The following EPB41L5 variants were observed in gnomAD, a reference collection of about 807,000 sequenced individuals.
The protein encoded by EPB41L5 is band 4.1-like protein 5.
In EPB41L5, 55 loss-of-function variants were observed where a neutral mutation model predicts 106.6. The ratio of observed to expected loss-of-function variants is 0.52; its 90% CI spans 0.42 to 0.65. The LOEUF (loss-of-function observed/expected upper bound fraction) is 0.65. Among genes scored for constraint, EPB41L5 ranks in the 30% least tolerant of loss-of-function variants. EPB41L5 has a pLI of 0.00. For missense variants in EPB41L5, 871 were observed against 882.1 expected, an observed-to-expected ratio of 0.99 and a Z score of 0.16; for synonymous variants, 297 against 306.7, an observed-to-expected ratio of 0.97 and a Z score of 0.33.
intron 3 of EPB41L5, among the ~76,000 whole-genome samples, chr2:120,047,431 C>T (rs75659512): frequency 0.7 from 105,084 of 151,104 alleles, 37,932 homozygotes; most frequent in Non-Finnish European, 0.79. Flanking sequence ...CAATTGTGAA[C>T]GGGAGTTCAC....
intron 18 of EPB41L5, among the ~76,000 whole-genome samples, chr2:120,135,007 G>C (rs1464911375): frequency 6.6e-6 from 1 of 152,054 alleles, no homozygotes; most frequent in Admixed American, 6.6e-5. Context: ...TGACCTTTCA[G>C]GCAGATAATT....
Position 120,177,592 on chromosome 2 carries a change from T to A in EPB41L5, c.*2685T>A, listed in dbSNP as rs1687965048. ...TGTAAATTAATCAGTGAGACCTAAT[T>A]TGTGACATGTCAGTAGCATCATCTT... is the stretch of plus-strand genomic sequence containing the variant. On this transcript the variant is annotated 3_prime_UTR_variant, in exon 25 of 25. Coordinates refer to ENST00000263713, the MANE Select transcript of EPB41L5 (RefSeq NM_020909.4). 6.6e-6 allele frequency: 1 copy of A among 152,188 alleles called. No homozygotes were observed. Among genetic ancestry groups the A allele is most frequent in the Non-Finnish European group, 1.5e-5 (1 of 68,030 alleles). 9.4% of individuals were successfully genotyped at this position (152,188 alleles called of 1,614,324 possible).
intron 18 of EPB41L5, among the ~76,000 whole-genome samples, chr2:120,136,921 A>G (rs909073596): frequency 2.0e-5 from 3 of 152,200 alleles, no homozygotes; most frequent in African/African-American, 7.2e-5. Flanking sequence ...GCAGCAGAAC[A>G]TACATTCTTG....
chr2:120,134,252 G>A (rs994969798), intron 18 of EPB41L5, among the ~76,000 whole-genome samples: 1 of 151,928 alleles, frequency 6.6e-6, no homozygotes, highest in African/African-American at 2.4e-5. Flanking sequence ...TGCAACTTGG[G>A]TAACAGCTCA....
rs754109566 is a variant in EPB41L5, at chr2:120,019,090, G to A, written c.6G>A (p.Leu2=). 3.1e-6 allele frequency: 5 copies of A among 1,595,848 alleles called. No individual in the cohort carries two copies. Among genetic ancestry groups the A allele is most frequent in the Non-Finnish European group, 3.4e-6 (4 of 1,174,748 alleles). M[L]SFFRRTLGRR... ...CTGTTTTTATAGTGACAAAAATGCT[G>A]AGTTTCTTCCGTAGAACACTAGGGC... is the stretch of plus-strand genomic sequence containing the variant. Residue 2 remains leucine (L), a synonymous_variant, in exon 2 of 25, where the codon CTG becomes CTA. Transcript: ENST00000263713.
rs185190903 is a variant in EPB41L5, at chr2:120,036,730, T to C, written c.181-5276T>C. Among the ~76,000 whole-genome samples, 9 of 152,180 alleles carry C rather than the reference T, an allele frequency of 5.9e-5. No homozygotes were observed. In the East Asian group the frequency reaches 1.5e-3, roughly 26 times the overall value. On this transcript the variant is annotated intron_variant, in intron 2 of 24. Transcript: ENST00000263713. ...AAAGGAAAATACTAGGTATAAGAAGTATAATCTATAGAACACATTTGATGG... is the reference window on the plus strand; with the variant it reads ...AAAGGAAAATACTAGGTATAAGAAGCATAATCTATAGAACACATTTGATGG...
intron 21 of EPB41L5, among the ~76,000 whole-genome samples, chr2:120,162,274 T>C (rs1687168444): frequency 6.6e-6 from 1 of 152,238 alleles, no homozygotes; most frequent in African/African-American, 2.4e-5. Context: ...CGCTAAACCC[T>C]TAACAATTCA....
chr2:120,052,581 T>C (rs1399550227), intron 3 of EPB41L5, among the ~76,000 whole-genome samples: 2 of 152,258 alleles, frequency 1.3e-5, no homozygotes, highest in African/African-American at 4.8e-5. Flanking sequence ...TATCTGTTAC[T>C]ATCATTTAAT....
chr2:120,122,989 G>A (rs1012654990), intron 16 of EPB41L5, among the ~76,000 whole-genome samples: 1 of 152,286 alleles, frequency 6.6e-6, no homozygotes, highest in African/African-American at 2.4e-5. Flanking sequence ...AGGAATGCTT[G>A]TGATTTTTAC....
At chr2:120,095,985 A>C (rs1347082209) in intron 14 of EPB41L5, among the ~76,000 whole-genome samples, 5 of 152,012 alleles carry the variant, frequency 3.3e-5, no homozygotes, top group Non-Finnish European at 7.4e-5. Flanking sequence ...CATTAATTTT[A>C]ATATTACTTA....
chr2:120,059,130 T>C (rs1339613839), intron 3 of EPB41L5, among the ~76,000 whole-genome samples: 2 of 152,176 alleles, frequency 1.3e-5, no homozygotes, highest in African/African-American at 2.4e-5. Flanking sequence ...TGGAAAGAAA[T>C]AGCCATACAC....
In EPB41L5 at chr2:120,013,215, G is replaced by T. The variant is rs1410672292; in HGVS notation, c.-9+5G>T. On this transcript the variant is annotated splice_donor_5th_base_variant and intron_variant, in intron 1 of 24. Transcript: ENST00000263713. ...GCTGCGCCGTCCCCAGCTCAGGTAA[G>T]CGCGAGGCCCGGCGGCGGCGCCGCA... is the stretch of plus-strand genomic sequence containing the variant. The T allele has an allele frequency of 1.3e-5, 2 of 152,436 alleles. No individual in the cohort carries two copies. The highest frequency in any genetic ancestry group is 2.9e-5 in the Non-Finnish European group (2 of 68,232). The allele number at this position is 152,436 out of a possible 1,614,324, so 9.4% of individuals were successfully genotyped here. A position where few individuals can be genotyped will look rare whatever the true frequency, so the allele number is the denominator to read the frequency against.
intron 3 of EPB41L5, among the ~76,000 whole-genome samples, chr2:120,072,614 G>A (rs979445094): frequency 4.6e-5 from 7 of 152,194 alleles, no homozygotes; most frequent in African/African-American, 1.7e-4. Flanking sequence ...AATAGGATGA[G>A]TTCATGTCCT....
chr2:120,022,995 A>G (rs141934785), intron 2 of EPB41L5, among the ~76,000 whole-genome samples: 27 of 152,226 alleles, frequency 1.8e-4, no homozygotes, highest in African/African-American at 5.3e-4. Context: ...AGAAGTGTCC[A>G]TTCATATCCT....
chr2:120,050,584 T>TAA, intron 3 of EPB41L5, among the ~76,000 whole-genome samples: 1 of 152,336 alleles, frequency 6.6e-6, no homozygotes, highest in East Asian at 1.9e-4. Flanking sequence ...GGTTTTTAGC[T>TAA]TCTTTGTGAT....
chr2:120,078,674 A>G, intron 10 of EPB41L5, 93 bp downstream of exon 10: 2 of 803,526 alleles, frequency 2.5e-6, no homozygotes, highest in Non-Finnish European at 3.9e-6. Flanking sequence ...GAAATCAAAT[A>G]GTTTTGAAAA....
chr2:120,075,355 C>CTTT, intron 5 of EPB41L5, 121 bp from the exon 6 acceptor site: 4 of 754,134 alleles, frequency 5.3e-6, no homozygotes, highest in Non-Finnish European at 8.9e-6. Context: ...CTATGCACAT[C>CTTT]TTTTATACAT....
chr2:120,151,447 T>C (rs1279159100), intron 20 of EPB41L5, among the ~76,000 whole-genome samples: 3 of 152,028 alleles, frequency 2.0e-5, no homozygotes, highest in Non-Finnish European at 4.4e-5. Flanking sequence ...AATTAACAAC[T>C]ATGTTACAAC....
At chr2:120,078,284 T>G (rs1330913456) in intron 9 of EPB41L5, among the ~76,000 whole-genome samples, 1 of 152,200 alleles carries the variant, frequency 6.6e-6, no homozygotes, top group East Asian at 1.9e-4. Context: ...AAAACTCTAG[T>G]GTTTCAATGA....
Sources: gnomAD v4.1 joint callset for allele counts (sites outside exome capture counted in the v4.1 genomes callset) on GRCh38, gnomAD v4.1.1 for gene constraint, MANE v1.5 for transcripts, NCBI Gene and HGNC (gene_info 2026-07-23, HGNC 2026-07-21) for gene names.